TTN: variants seen among roughly 807,000 people sequenced by gnomAD.
The protein encoded by TTN is connectin.
In TTN, 1,525 loss-of-function variants were observed where a neutral mutation model predicts 3,223.0. The observed-to-expected ratio is 0.47, with a 90% CI of 0.45 to 0.49. TTN has a LOEUF of 0.49. Ranked by LOEUF, TTN falls within the 20% of genes least tolerant of loss-of-function variation. The pLI is 0.00. For synonymous variants in TTN, 14,094 were observed against 15,161.0 expected (o/e 0.93, Z 5.17); for missense variants, 40,786 against 43,424.0 (o/e 0.94, Z 5.40).
At chr2:178,753,275 T>A in intron 46 of TTN, 95 bp from the exon 47 acceptor site, 1 of 1,047,658 alleles carries the variant, frequency 9.5e-7, no homozygotes, top group Non-Finnish European at 1.4e-6. Flanking sequence ...TTTCTTTTTA[T>A]TATAACAACA....
In TTN at chr2:178,779,205, C is replaced by G. The variant is rs781015069; in HGVS notation, c.3963+24G>C. On this transcript the variant is annotated intron_variant, in intron 23 of 362. Coordinates refer to ENST00000589042, the MANE Select transcript of TTN (RefSeq NM_001267550.2). ...TTTGTATCTTTACTGTGGCAAGGAGCTATGATAAATGTTTATATTTTACCT... is the reference window on the plus strand; with the variant it reads ...TTTGTATCTTTACTGTGGCAAGGAGGTATGATAAATGTTTATATTTTACCT... 1.1e-5 allele frequency: 18 copies of G among 1,613,072 alleles called. No homozygotes were observed. In the East Asian group the frequency reaches 2.7e-4, roughly 24 times the overall value.
chr2:178,628,905 CA>C (rs2059423835), intron 240 of TTN: 1 of 169,098 alleles, frequency 5.9e-6, no homozygotes, highest in African/African-American at 2.4e-5. Context: ...CCCTTATATG[CA>C]GAACACTAAA....
Position 178,706,706 on chromosome 2 carries a change from C to T in TTN, c.29168G>A (p.Gly9723Asp), listed in dbSNP as rs1416686981. The T allele has an allele frequency of 6.2e-7, 1 of 1,610,594 alleles. No homozygotes were observed. The highest frequency in any genetic ancestry group is 1.1e-5 in the South Asian group (1 of 90,722). Residue 9723 changes from glycine (G) to aspartate (D), a missense_variant, in exon 102 of 363, where the codon GGT becomes GAT. Coordinates refer to ENST00000589042, the MANE Select transcript of TTN (RefSeq NM_001267550.2). The part of the protein sequence containing the change: ...TTATFIAKVG[G>D]DPIPNVKWTK... Reference sequence around the variant, plus strand: ...CCATTTAACATTTGGGATTGGGTCACCTCCAACTTTTGCAATGAAGGTCGC... The same window carrying T: ...CCATTTAACATTTGGGATTGGGTCATCTCCAACTTTTGCAATGAAGGTCGC...
intron 213 of TTN, among the ~76,000 whole-genome samples, chr2:178,649,017 A>T (rs1447928588): frequency 6.6e-6 from 1 of 152,140 alleles, no homozygotes; most frequent in Admixed American, 6.6e-5. Context: ...TGAATGAGAG[A>T]AGGTTCTTTT....
chr2:178,614,273 G>A lies in TTN; in HGVS notation c.49124C>T (p.Pro16375Leu). The A allele has an allele frequency of 2.5e-6, 4 of 1,612,654 alleles. No individual in the cohort carries two copies. The highest frequency in any genetic ancestry group is 3.4e-6 in the Non-Finnish European group (4 of 1,179,260). Residue 16375 changes from proline (P) to leucine (L), a missense_variant, in exon 262 of 363, where the codon CCA becomes CTA. Pro to Leu is a moderately conservative substitution (Grantham distance 98). Coordinates refer to ENST00000589042, the MANE Select transcript of TTN (RefSeq NM_001267550.2). ...GATCTTAGATCCACCATCATCGCGT[G>A]GTGGGTTCCATGTTAGAAGACATGA... ...NESCLLTWNPPRDDGGSKITN... is the reference protein window; with the variant it reads ...NESCLLTWNPLRDDGGSKITN...
intron 127 of TTN, 117 bp downstream of exon 127, chr2:178,687,994 T>A: frequency 2.8e-6 from 2 of 721,310 alleles, no homozygotes; most frequent in Middle Eastern, 2.6e-4. Context: ...GACTGGTAGA[T>A]GTTCACTGAA....
Position 178,549,419 on chromosome 2 carries a change from A to G in TTN, c.92207T>C (p.Ile30736Thr). The G allele has an allele frequency of 1.2e-6, 2 of 1,613,060 alleles. No individual in the cohort carries two copies. Among genetic ancestry groups the G allele is most frequent in the East Asian group, 2.2e-5 (1 of 44,842 alleles). Residue 30736 changes from isoleucine to threonine, a missense_variant, in exon 339 of 363, where the codon ATT becomes ACT. Ile to Thr is a moderately conservative substitution (Grantham distance 89). Transcript: ENST00000589042. Reference protein sequence around the residue: ...PEPSNITGNSITLTWARPESD... With the variant: ...PEPSNITGNSTTLTWARPESD... ...TTCTGGCCTTGCCCATGTCAGGGTA[A>G]TGCTGTTGCCTGTTATGTTGCTAGG...
chr2:178,595,435 A>AT, intron 295 of TTN, 72 bp downstream of exon 295: 2 of 1,428,588 alleles, frequency 1.4e-6, no homozygotes, highest in Non-Finnish European at 1.9e-6. Context: ...TTATACACAT[A>AT]TTTTTTCACC....
rs746883797 is a variant in TTN at position 178,795,015 on chromosome 2, C to T, written c.1152G>A (p.Glu384=). 3 of 1,611,546 alleles carry T rather than the reference C, an allele frequency of 1.9e-6. No homozygotes were observed. Residue 384 remains glutamate, a synonymous_variant, in exon 7 of 363, where the codon GAG becomes GAA. Transcript: ENST00000589042. ...CCGCAGCACCACTGATGGTCACTTG[C>T]TCCTGGACACCGTATCTCCCTTCCC... ...ERWEGRYGVQ[E]QVTISGAAGA...
Position 178,717,256 on chromosome 2 carries a change from T to A in TTN, c.25478A>T (p.Asn8493Ile). 1 of 1,613,718 alleles carries A rather than the reference T, an allele frequency of 6.2e-7. No individual in the cohort carries two copies. Among genetic ancestry groups the A allele is most frequent in the Non-Finnish European group, 8.5e-7 (1 of 1,179,688 alleles). ...GTTGCCTCCAGGGCGAATCTCTCGGTTATCTTTGGCCCAAGTGATTTTGAT... is the reference window on the plus strand; with the variant it reads ...GTTGCCTCCAGGGCGAATCTCTCGGATATCTTTGGCCCAAGTGATTTTGAT... The part of the protein sequence containing the change: ...APIKITWAKD[N>I]REIRPGGNYK... Residue 8493 changes from asparagine to isoleucine, a missense_variant, in exon 88 of 363, where the codon AAC (asparagine) becomes ATC (isoleucine). Transcript: ENST00000589042.
Position 178,702,635 on chromosome 2 carries a change from T to C in TTN, c.30252A>G (p.Ile10084Met). 1 of 1,613,870 alleles carries C rather than the reference T, an allele frequency of 6.2e-7. No homozygotes were observed. Among genetic ancestry groups the C allele is most frequent in the Non-Finnish European group, 8.5e-7 (1 of 1,179,766 alleles). Residue 10084 changes from isoleucine to methionine, a missense_variant, in exon 107 of 363, where the codon ATA becomes ATG. By Grantham distance (10) the Ile-to-Met change is conservative. Coordinates refer to ENST00000589042, the MANE Select transcript of TTN (RefSeq NM_001267550.2). ...GATGCTCACTCACCACGATGTTCTGTATGCGCTTTGTAAACTGAATTGGTT... is the reference window on the plus strand; with the variant it reads ...GATGCTCACTCACCACGATGTTCTGCATGCGCTTTGTAAACTGAATTGGTT... ...EAEPIQFTKR[I>M]QNIVVSEHQS...
intron 356 of TTN, 102 bp downstream of exon 356, chr2:178,536,835 TG>T (rs1218733534): frequency 1.8e-6 from 2 of 1,142,276 alleles, no homozygotes; most frequent in East Asian, 5.2e-5. Flanking sequence ...GTACTTTATC[TG>T]AATCTTTGCT....
chr2:178,746,937 T>C (rs2083750361), intron 47 of TTN: 1 of 1,613,564 alleles, frequency 6.2e-7, no homozygotes, highest in Non-Finnish European at 8.5e-7. Context: ...GCTGAACCCC[T>C]CTCTTCTGTA....
chr2:178,616,305 T>A (rs192379053), intron 257 of TTN, among the ~76,000 whole-genome samples, 174 bp downstream of exon 257: 1 of 151,874 alleles, frequency 6.6e-6, no homozygotes, highest in African/African-American at 2.4e-5. Flanking sequence ...CAATCCTTGG[T>A]TGAGCTACCT....
chr2:178,646,393 C>G, intron 216 of TTN, 92 bp downstream of exon 216: 1 of 804,076 alleles, frequency 1.2e-6, no homozygotes, highest in Non-Finnish European at 1.9e-6. Flanking sequence ...CAAATGGGAA[C>G]AGACATACTA....
Position 178,689,886 on chromosome 2 carries a change from C to T in TTN, c.31773G>A (p.Val10591=). 6.2e-7 allele frequency: 1 copy of T among 1,613,228 alleles called. No homozygotes were observed. The highest frequency in any genetic ancestry group is 8.5e-7 in the Non-Finnish European group (1 of 1,179,480). Residue 10591 remains valine (V), a synonymous_variant, in exon 122 of 363, where the codon GTG becomes GTA. Coordinates refer to ENST00000589042, the MANE Select transcript of TTN (RefSeq NM_001267550.2). ...EPAAPPKVPE[V]PKKPVPEEKI... is the part of the protein sequence containing the mutation. ...TTTCTTCAGGGACAGGTTTCTTTGGCACCTCTGGGACTTAAAGTTTTTGAA... is the reference window on the plus strand; with the variant it reads ...TTTCTTCAGGGACAGGTTTCTTTGGTACCTCTGGGACTTAAAGTTTTTGAA...
At position 178,651,474 on chromosome 2, in the gene TTN, G is replaced by T. The variant is rs748880548; in HGVS notation, c.39526C>A (p.Pro13176Thr). Reference protein sequence around the residue: ...KKVPLVVPKKPEAPPAKVPEV... With the variant: ...KKVPLVVPKKTEAPPAKVPEV... Reference sequence around the variant, plus strand: ...ATACCTTTAGCAGGTGGGGCTTCTGGCTTTTTGGGAACCACCAGAGGCACC... The same window carrying T: ...ATACCTTTAGCAGGTGGGGCTTCTGTCTTTTTGGGAACCACCAGAGGCACC... The change falls in exon 207 of 363, where the codon CCA (proline) becomes ACA (threonine). Residue 13176 changes from proline (P) to threonine (T), a missense_variant. Coordinates refer to ENST00000589042, the MANE Select transcript of TTN (RefSeq NM_001267550.2). 4.3e-6 allele frequency: 7 copies of T among 1,612,002 alleles called. No individual in the cohort carries two copies. Among genetic ancestry groups the T allele is most frequent in the Non-Finnish European group, 5.9e-6 (7 of 1,179,278 alleles).
In TTN at chr2:178,602,603, GAAA is replaced by G; in HGVS notation, c.54812-16_54812-14del. The G allele has an allele frequency of 1.5e-6, 2 of 1,346,358 alleles. No individual in the cohort carries two copies. Among genetic ancestry groups the G allele is most frequent in the Middle Eastern group, 2.0e-4 (1 of 4,984 alleles). The allele number at this position is 1,346,358 out of a possible 1,614,324, so 83.4% of individuals were successfully genotyped here. A position where few individuals can be genotyped will look rare whatever the true frequency, so the allele number is the denominator to read the frequency against. On this transcript the variant is annotated splice_polypyrimidine_tract_variant and intron_variant, in intron 282 of 362. Transcript: ENST00000589042. ...GGCCCCGGTGGAACTAATAACAAAA[GAAA>G]AAAAAAAGCTTCATCAGATTTTGAA...
intron 330 of TTN, 132 bp from the exon 331 acceptor site, chr2:178,555,284 AATT>A (rs1700940898): frequency 2.3e-6 from 2 of 860,076 alleles, no homozygotes. Context: ...AATTCTATGC[AATT>A]ATTATTTAAA....
Sources: allele counts gnomAD v4.1 joint callset (sites outside exome capture counted in the v4.1 genomes callset), GRCh38; gene constraint gnomAD v4.1.1; transcripts MANE v1.5; gene names NCBI Gene and HGNC (gene_info 2026-07-23, HGNC 2026-07-21).